The following CRADD variants were observed in gnomAD, a reference collection of about 807,000 sequenced individuals.
The protein encoded by CRADD is death domain-containing protein CRADD.
Under a neutral mutation model 15.5 loss-of-function variants are expected in CRADD, and 9 were observed. The ratio of observed to expected loss-of-function variants is 0.58; its 90% CI spans 0.35 to 1.01. The LOEUF (loss-of-function observed/expected upper bound fraction) is 1.01. Ranked by LOEUF, CRADD falls within the 50% of genes least tolerant of loss-of-function variation. The probability of loss-of-function intolerance (pLI) is 0.02; values close to 1 mark genes in which losing one functional copy is unlikely to be tolerated. For missense variants in CRADD, 227 were observed against 250.3 expected (o/e 0.91, Z 0.63); for synonymous variants, 118 against 107.6 (o/e 1.10, Z -0.60).
rs148597718 is a variant in CRADD, at chr12:93,750,627, T to C, written c.298+71555T>C. 3.6e-3 allele frequency among the ~76,000 whole-genome samples: 547 copies of C among 152,328 alleles called. 8 individuals are homozygous for C. Among genetic ancestry groups the C allele is most frequent in the African/African-American group, 0.012 (507 of 41,586 alleles). ...ATTTTTTTTTCTAAAACCGACTATA[T>C]GTATCAATTTCTTAGCCAATTTACT... On this transcript the variant is annotated intron_variant, in intron 2 of 2. Transcript: ENST00000332896.
At position 93,734,105 on chromosome 12, in the gene CRADD, CACTT is replaced by C. The variant is rs745521816; in HGVS notation, c.298+55034_298+55037del. On this transcript the variant is annotated intron_variant, in intron 2 of 2. Transcript: ENST00000332896. ...TTTTTCCCTTCTTGTCTTCCTCCCT[CACTT>C]TCTTTTATCCAGCCATCCGTCTGTT... is the stretch of plus-strand genomic sequence containing the variant. Among the ~76,000 whole-genome samples the C allele has an allele frequency of 1.2e-3, 175 of 151,964 alleles. 2 individuals carry two copies. Among genetic ancestry groups the C allele is most frequent in the Admixed American group, 7.3e-3 (111 of 15,260 alleles).
At chr12:93,757,354 GC>G (rs1485159268) in intron 2 of CRADD, among the ~76,000 whole-genome samples, 6 of 152,148 alleles carry the variant, frequency 3.9e-5, no homozygotes, top group Non-Finnish European at 7.3e-5. Context: ...CTATGTGGCT[GC>G]CCCAAGAGTC....
At chr12:93,844,405 GTGA>G (rs1249739407) in intron 2 of CRADD, among the ~76,000 whole-genome samples, 1 of 152,150 alleles carries the variant, frequency 6.6e-6, no homozygotes, top group African/African-American at 2.4e-5. Context: ...ACAAACAGCT[GTGA>G]TTGCCTCTCT....
At chr12:93,821,768 G>T (rs1957771901) in intron 2 of CRADD, among the ~76,000 whole-genome samples, 1 of 152,160 alleles carries the variant, frequency 6.6e-6, no homozygotes, top group Admixed American at 6.5e-5. Flanking sequence ...TTGTGGTGTT[G>T]CAGGACGGTA....
rs186337133 is a variant in CRADD, at chr12:93,811,832, G to A, written c.299-38138G>A. On this transcript the variant is annotated intron_variant, in intron 2 of 2. Transcript: ENST00000332896. Reference sequence around the variant, plus strand: ...AACTTATGTCCACACAAAAACCTGCGCACACAAATGTTTGTAGCAGCTTTA... The same window carrying A: ...AACTTATGTCCACACAAAAACCTGCACACACAAATGTTTGTAGCAGCTTTA... Among the ~76,000 whole-genome samples the A allele has an allele frequency of 2.6e-3, 399 of 152,210 alleles. 2 individuals are homozygous for A. Among genetic ancestry groups the A allele is most frequent in the African/African-American group, 8.9e-3 (368 of 41,534 alleles).
chr12:93,739,120 T>A (rs1172252351), intron 2 of CRADD, among the ~76,000 whole-genome samples: 1 of 152,208 alleles, frequency 6.6e-6, no homozygotes, highest in Non-Finnish European at 1.5e-5. Flanking sequence ...CCACCTATCC[T>A]GACCAAACTT....
intron 2 of CRADD, among the ~76,000 whole-genome samples, chr12:93,709,490 C>T (rs1956021759): frequency 6.6e-6 from 1 of 152,208 alleles, no homozygotes; most frequent in Non-Finnish European, 1.5e-5. Flanking sequence ...TCAGCTCCCA[C>T]TAAAAAGTGA....
At chr12:93,837,434 A>G (rs1231641406) in intron 2 of CRADD, 1 of 151,918 alleles carries the variant, frequency 6.6e-6, no homozygotes, top group Non-Finnish European at 1.5e-5. Context: ...CGCCCAGCTA[A>G]TTTTTGTATT....
intron 2 of CRADD, among the ~76,000 whole-genome samples, chr12:93,842,131 C>T (rs376286841): frequency 1.3e-5 from 2 of 151,592 alleles, no homozygotes; most frequent in East Asian, 3.9e-4. Context: ...CTCTTCTTAG[C>T]CGTTGGTCTT....
chr12:93,781,128 A>G (rs1030517181), intron 2 of CRADD, among the ~76,000 whole-genome samples: 5 of 152,072 alleles, frequency 3.3e-5, no homozygotes, highest in African/African-American at 1.2e-4. Flanking sequence ...TGCTGGGATC[A>G]TGTCAGAATG....
intron 2 of CRADD, among the ~76,000 whole-genome samples, chr12:93,813,416 GAA>G (rs1402304773): frequency 6.6e-6 from 1 of 152,212 alleles, no homozygotes; most frequent in African/African-American, 2.4e-5. Flanking sequence ...CAGACACACA[GAA>G]TTTCAAGTAA....
At chr12:93,682,781 G>C (rs1955345685) in intron 2 of CRADD, among the ~76,000 whole-genome samples, 1 of 151,818 alleles carries the variant, frequency 6.6e-6, no homozygotes, top group Non-Finnish European at 1.5e-5. Context: ...CTCAGAATCT[G>C]CCTCTGTGAC....
chr12:93,869,896 TC>T (rs1958403684), intron 2 of CRADD, among the ~76,000 whole-genome samples: 1 of 152,176 alleles, frequency 6.6e-6, no homozygotes, highest in Non-Finnish European at 1.5e-5. Context: ...CTGAAAATTT[TC>T]CAAATTTGGA....
chr12:93,804,499 A>G lies in CRADD; in HGVS notation c.299-45471A>G, dbSNP rs73363183. Reference sequence around the variant, plus strand: ...GACTATGAGAGATTTGGATCAAACTAAAGAAGTCCCCAAGTCTCAGGAGAA... The same window carrying G: ...GACTATGAGAGATTTGGATCAAACTGAAGAAGTCCCCAAGTCTCAGGAGAA... On this transcript the variant is annotated intron_variant, in intron 2 of 2. Transcript: ENST00000332896. Among the ~76,000 whole-genome samples the G allele has an allele frequency of 2.1e-3, 313 of 152,270 alleles. 1 individual carries two copies. The highest frequency in any genetic ancestry group is 6.5e-3 in the African/African-American group (270 of 41,568).
At chr12:93,805,039 A>G (rs760603456) in intron 2 of CRADD, among the ~76,000 whole-genome samples, 21 of 152,124 alleles carry the variant, frequency 1.4e-4, no homozygotes, top group Non-Finnish European at 2.1e-4. Flanking sequence ...TAGAGTTTCT[A>G]TTGTTTTAAT....
At chr12:93,835,808 C>G (rs901633315) in intron 2 of CRADD, among the ~76,000 whole-genome samples, 1 of 152,156 alleles carries the variant, frequency 6.6e-6, no homozygotes, top group Non-Finnish European at 1.5e-5. Context: ...TGATATGTTA[C>G]TCACTTGCCA....
intron 2 of CRADD, among the ~76,000 whole-genome samples, chr12:93,873,732 G>GA (rs1214696541): frequency 6.6e-6 from 1 of 151,936 alleles, no homozygotes; most frequent in Non-Finnish European, 1.5e-5. Context: ...TGTATATGTT[G>GA]AACCATCCTT....
chr12:93,714,412 T>A (rs899398247), intron 2 of CRADD: 1 of 152,230 alleles, frequency 6.6e-6, no homozygotes, highest in Non-Finnish European at 1.5e-5. Flanking sequence ...ATTTTCCAGT[T>A]GAGGAGCTTT....
At chr12:93,759,733 C>CGTAT (rs1956928826) in intron 2 of CRADD, among the ~76,000 whole-genome samples, 1 of 152,036 alleles carries the variant, frequency 6.6e-6, no homozygotes, top group Non-Finnish European at 1.5e-5. Context: ...TTACAGGCAC[C>CGTAT]CTATCTCAGT....
Sources: gnomAD v4.1 joint callset for allele counts (sites outside exome capture counted in the v4.1 genomes callset) on GRCh38, gnomAD v4.1.1 for gene constraint, MANE v1.5 for transcripts, NCBI Gene and HGNC (gene_info 2026-07-23, HGNC 2026-07-21) for gene names.